MAP2K5: variants seen among roughly 807,000 people sequenced by gnomAD.
MAP2K5 encodes dual specificity mitogen-activated protein kinase kinase 5.
Under a neutral mutation model 83.1 loss-of-function variants are expected in MAP2K5, and 49 were observed. The observed-to-expected ratio is 0.59, with a 90% CI of 0.47 to 0.75. MAP2K5 has a LOEUF of 0.75. Ranked by LOEUF, MAP2K5 falls within the 30% of genes least tolerant of loss-of-function variation. MAP2K5 has a pLI of 0.00. For missense variants in MAP2K5, 457 were observed against 557.5 expected (o/e 0.82, Z 1.82); for synonymous variants, 202 against 191.8 (o/e 1.05, Z -0.44).
chr15:67,630,956 C>T (rs2086460530), intron 9 of MAP2K5, 29 bp downstream of exon 9: 1 of 1,548,134 alleles, frequency 6.5e-7, no homozygotes, highest in Non-Finnish European at 8.9e-7. Flanking sequence ...TTATGAAATT[C>T]TTGATGTTCA....
intron 14 of MAP2K5, among the ~76,000 whole-genome samples, 155 bp from the exon 15 acceptor site, chr15:67,693,363 A>G (rs1258706488): frequency 6.8e-6 from 1 of 146,558 alleles, no homozygotes; most frequent in Non-Finnish European, 1.5e-5. Flanking sequence ...GAGAGATTTA[A>G]TCATTTTTAT....
intron 21 of MAP2K5, among the ~76,000 whole-genome samples, chr15:67,799,134 C>T (rs1479054030): frequency 1.3e-5 from 2 of 152,206 alleles, no homozygotes; most frequent in East Asian, 3.9e-4. Flanking sequence ...GCGCCACTGC[C>T]CTCCAGCCTG....
intron 3 of MAP2K5, among the ~76,000 whole-genome samples, chr15:67,567,263 A>G (rs16951002): frequency 0.15 from 22,473 of 151,772 alleles, 2,153 homozygotes; most frequent in African/African-American, 0.26. Flanking sequence ...TTTATAGCAT[A>G]GTTTCTTGTA....
rs564492142 is a variant in MAP2K5 at position 67,793,864 on chromosome 15, C to G, written c.1243-12782C>G. Among the ~76,000 whole-genome samples, 1 of 152,032 alleles carries G rather than the reference C, an allele frequency of 6.6e-6. No homozygotes were observed. The highest frequency in any genetic ancestry group is 2.4e-5 in the African/African-American group (1 of 41,368). Reference sequence around the variant, plus strand: ...TTGAGGTTTTATTTTCTGAGAGGACCAAAGAGTCATGAATGTGCCAGGGAA... The same window carrying G: ...TTGAGGTTTTATTTTCTGAGAGGACGAAAGAGTCATGAATGTGCCAGGGAA... On this transcript the variant is annotated intron_variant, in intron 21 of 21. Transcript: ENST00000178640. This position sits in a 1 kb window ranked among gnomAD's most constrained non-coding sequence, Gnocchi z 4.6.
At chr15:67,704,724 T>TC (rs1451609388) in intron 16 of MAP2K5, among the ~76,000 whole-genome samples, 7 of 152,202 alleles carry the variant, frequency 4.6e-5, no homozygotes, top group African/African-American at 1.7e-4. Context: ...CCCAACAGAA[T>TC]CCACAAGGGC....
In MAP2K5 at chr15:67,637,577, A is replaced by AGGT. The variant is rs1422654921; in HGVS notation, c.585+6652_585+6654dup. Among the ~76,000 whole-genome samples the AGGT allele has an allele frequency of 6.6e-6, 1 of 152,124 alleles. No individual in the cohort carries two copies. The highest frequency in any genetic ancestry group is 1.5e-5 in the Non-Finnish European group (1 of 68,026). On this transcript the variant is annotated intron_variant, in intron 9 of 21. Transcript: ENST00000178640. The surrounding 1 kb of genome is among the most constrained non-coding windows in gnomAD (Gnocchi z 4.5). ...TTCTAGTGGTTCTCTCCCTGGCCTCAGGTGATCTCCTGACATCTATGTACA... is the reference window on the plus strand; with the variant it reads ...TTCTAGTGGTTCTCTCCCTGGCCTCAGGTGGTGATCTCCTGACATCTATGTACA...
At chr15:67,647,771 G>A (rs1374236660) in intron 11 of MAP2K5, among the ~76,000 whole-genome samples, 2 of 152,096 alleles carry the variant, frequency 1.3e-5, no homozygotes, top group Non-Finnish European at 2.9e-5. Context: ...TTGGGAGGCT[G>A]AGACTGAGAA....
rs191265958 is a variant in MAP2K5, at chr15:67,760,152, C to T, written c.1135-9450C>T. Reference sequence around the variant, plus strand: ...AAGGCCAGGATTCCTTTAGTAATTACTTTTTCTATTGGTAATAACTGTTTC... The same window carrying T: ...AAGGCCAGGATTCCTTTAGTAATTATTTTTTCTATTGGTAATAACTGTTTC... On this transcript the variant is annotated intron_variant, in intron 19 of 21. Coordinates refer to ENST00000178640, the MANE Select transcript of MAP2K5 (RefSeq NM_145160.3). The surrounding 1 kb of genome is among the most constrained non-coding windows in gnomAD (Gnocchi z 4.1). 5.9e-5 allele frequency among the ~76,000 whole-genome samples: 9 copies of T among 152,306 alleles called. No individual in the cohort carries two copies. Among genetic ancestry groups the T allele is most frequent in the Non-Finnish European group, 8.8e-5 (6 of 68,022 alleles).
In MAP2K5 at chr15:67,549,897, T is replaced by C. The variant is rs1421187490; in HGVS notation, c.136-137T>C. ...GTTTACGTTGCTGGGCTAAGTGTGA[T>C]TATGAGCTAATGTTTTTATAGTTTA... On this transcript the variant is annotated intron_variant, in intron 1 of 21. Coordinates refer to ENST00000178640, the MANE Select transcript of MAP2K5 (RefSeq NM_145160.3). The C allele has an allele frequency of 9.2e-6, 6 of 652,094 alleles. No individual in the cohort carries two copies. The Admixed American group carries it at 1.5e-4, about 16-fold the overall frequency. 40.4% of individuals were successfully genotyped at this position (652,094 alleles called of 1,614,324 possible).
rs2090216625 is a variant in MAP2K5, at chr15:67,775,250, A to G, written c.1242+2498A>G. ...AGACCATTAAAATATCAGTGTTAGA[A>G]CTCATTTAGTTGTTTAGATATTTTA... On this transcript the variant is annotated intron_variant, in intron 21 of 21. Transcript: ENST00000178640. This position sits in a 1 kb window ranked among gnomAD's most constrained non-coding sequence, Gnocchi z 5.3. Among the ~76,000 whole-genome samples the G allele has an allele frequency of 6.6e-6, 1 of 151,978 alleles. No individual in the cohort carries two copies. The highest frequency in any genetic ancestry group is 1.5e-5 in the Non-Finnish European group (1 of 67,992).
intron 21 of MAP2K5, among the ~76,000 whole-genome samples, chr15:67,773,026 T>C (rs2090171064): frequency 6.6e-6 from 1 of 152,194 alleles, no homozygotes; most frequent in African/African-American, 2.4e-5. Context: ...TTTATCCTCA[T>C]TTGCTATTAA....
At position 67,698,770 on chromosome 15, in the gene MAP2K5, T is replaced by A. The variant is rs559233652; in HGVS notation, c.973-4567T>A. Among the ~76,000 whole-genome samples, 2 of 152,258 alleles carry A rather than the reference T, an allele frequency of 1.3e-5. No homozygotes were observed. Among genetic ancestry groups the A allele is most frequent in the East Asian group, 3.9e-4 (2 of 5,180 alleles). ...TTGTCTTTACTCGGAATAAAACACATACACATTGCATGATCCAACTCAATT... is the reference window on the plus strand; with the variant it reads ...TTGTCTTTACTCGGAATAAAACACAAACACATTGCATGATCCAACTCAATT... On this transcript the variant is annotated intron_variant, in intron 15 of 21. Coordinates refer to ENST00000178640, the MANE Select transcript of MAP2K5 (RefSeq NM_145160.3). The surrounding 1 kb of genome is among the most constrained non-coding windows in gnomAD (Gnocchi z 4.5).
chr15:67,550,152 C>A, intron 2 of MAP2K5, 70 bp downstream of exon 2: 1 of 1,228,358 alleles, frequency 8.1e-7, no homozygotes, highest in Non-Finnish European at 1.2e-6. Context: ...TTATGGGTGG[C>A]ATTACTTTAG....
At chr15:67,805,709 A>C (rs756950805) in intron 21 of MAP2K5, among the ~76,000 whole-genome samples, 1 of 152,200 alleles carries the variant, frequency 6.6e-6, no homozygotes, top group Non-Finnish European at 1.5e-5. Context: ...TGGCTCCCCG[A>C]GTCTCACCAT....
chr15:67,653,292 T>A (rs2086993604), intron 11 of MAP2K5, among the ~76,000 whole-genome samples: 1 of 151,850 alleles, frequency 6.6e-6, no homozygotes, highest in African/African-American at 2.4e-5. Flanking sequence ...AAAATATTTT[T>A]TTTTTTTTTT....
intron 4 of MAP2K5, among the ~76,000 whole-genome samples, chr15:67,581,984 T>G (rs745948248): frequency 1.2e-4 from 19 of 152,124 alleles, no homozygotes; most frequent in Non-Finnish European, 1.9e-4. Flanking sequence ...TACTTGAAGA[T>G]TAAGCACCAA....
At chr15:67,689,708 A>G (rs778028875) in intron 13 of MAP2K5, among the ~76,000 whole-genome samples, 1 of 152,178 alleles carries the variant, frequency 6.6e-6, no homozygotes, top group African/African-American at 2.4e-5. Flanking sequence ...TGTCTTTTGG[A>G]ATATAGTTTA....
chr15:67,703,909 C>A (rs2088484636), intron 16 of MAP2K5, among the ~76,000 whole-genome samples: 1 of 152,022 alleles, frequency 6.6e-6, no homozygotes, highest in Non-Finnish European at 1.5e-5. Flanking sequence ...AAAATCACCT[C>A]ATTCCAGTAT....
In MAP2K5 at chr15:67,782,879, G is replaced by A. The variant is rs948209126; in HGVS notation, c.1242+10127G>A. 6.6e-6 allele frequency among the ~76,000 whole-genome samples: 1 copy of A among 152,228 alleles called. No individual in the cohort carries two copies. Among genetic ancestry groups the A allele is most frequent in the Non-Finnish European group, 1.5e-5 (1 of 68,038 alleles). Reference sequence around the variant, plus strand: ...GGGAGGTCAGCAGAGCTTCGGCTGGGCGCTGTCTCCTTCCTGCCTTCAGAA... The same window carrying A: ...GGGAGGTCAGCAGAGCTTCGGCTGGACGCTGTCTCCTTCCTGCCTTCAGAA... On this transcript the variant is annotated intron_variant, in intron 21 of 21. Transcript: ENST00000178640. This position sits in a 1 kb window ranked among gnomAD's most constrained non-coding sequence, Gnocchi z 4.9.
Sources: allele counts gnomAD v4.1 joint callset (sites outside exome capture counted in the v4.1 genomes callset), GRCh38; gene constraint gnomAD v4.1.1; non-coding constraint Gnocchi (gnomAD v3.1); transcripts MANE v1.5; gene names NCBI Gene and HGNC (gene_info 2026-07-23, HGNC 2026-07-21).